Variants in PTPRT observed in about 807,000 individuals in gnomAD.
PTPRT encodes the protein receptor-type tyrosine-protein phosphatase T.
Under a neutral mutation model 176.8 loss-of-function variants are expected in PTPRT, and 56 were observed. The ratio of observed to expected loss-of-function variants is 0.32; its 90% CI spans 0.26 to 0.40. PTPRT has a LOEUF of 0.40. Among genes scored for constraint, PTPRT ranks in the 10% least tolerant of loss-of-function variants. PTPRT has a pLI of 1.00. For missense variants in PTPRT, 1,540 were observed against 1,908.2 expected, an observed-to-expected ratio of 0.81 and a Z score of 3.60; for synonymous variants, 783 against 739.0, an observed-to-expected ratio of 1.06 and a Z score of -0.96.
At chr20:42,816,055 A>C (rs1027103888) in intron 2 of PTPRT, among the ~76,000 whole-genome samples, 19 of 152,168 alleles carry the variant, frequency 1.2e-4, no homozygotes, top group African/African-American at 4.6e-4. Context: ...CACACACACA[A>C]AAGTCTTCTT....
chr20:42,115,918 T>A (rs1242729020), intron 21 of PTPRT: 1 of 634,556 alleles, frequency 1.6e-6, no homozygotes, highest in Non-Finnish European at 2.9e-6. Context: ...CAAGGGAAGA[T>A]GCGCAGTTCC....
At chr20:42,184,739 T>C (rs866818491) in intron 16 of PTPRT, among the ~76,000 whole-genome samples, 1 of 151,002 alleles carries the variant, frequency 6.6e-6, no homozygotes, top group Non-Finnish European at 1.5e-5. Flanking sequence ...GTGATTCTCC[T>C]GCCTCAGCCT....
intron 1 of PTPRT, among the ~76,000 whole-genome samples, chr20:42,967,698 T>C (rs933992905): frequency 2.6e-5 from 4 of 151,520 alleles, no homozygotes; most frequent in Admixed American, 1.3e-4. Context: ...AATACCTTTG[T>C]GGCATTTGTA....
intron 7 of PTPRT, among the ~76,000 whole-genome samples, chr20:42,528,441 A>G (rs1376496637): frequency 6.6e-6 from 1 of 151,982 alleles, no homozygotes; most frequent in Admixed American, 6.6e-5. Context: ...TTATCCATTC[A>G]TCTAATAAAT....
intron 7 of PTPRT, among the ~76,000 whole-genome samples, chr20:42,534,986 C>T (rs1351534185): frequency 2.0e-5 from 3 of 152,154 alleles, no homozygotes; most frequent in Non-Finnish European, 2.9e-5. Context: ...CCACTCGCCA[C>T]GGAAAGTGAG....
intron 16 of PTPRT, among the ~76,000 whole-genome samples, chr20:42,184,613 TTC>T (rs1990692091): frequency 7.6e-6 from 1 of 131,494 alleles, no homozygotes; most frequent in Admixed American, 7.8e-5. Context: ...CTTCTTCTTC[TTC>T]TCCTCCTTCT....
intron 1 of PTPRT, among the ~76,000 whole-genome samples, chr20:42,945,834 T>A (rs1980851146): frequency 6.6e-6 from 1 of 152,052 alleles, no homozygotes; most frequent in South Asian, 2.1e-4. Flanking sequence ...GACCCTTTCA[T>A]CACCGCCAGA....
intron 1 of PTPRT, among the ~76,000 whole-genome samples, chr20:43,076,628 T>C (rs1334190057): frequency 6.6e-6 from 1 of 152,132 alleles, no homozygotes; most frequent in Non-Finnish European, 1.5e-5. Context: ...GGCCACCTAC[T>C]AGTTGGAGCA....
rs1448417956 is a variant in PTPRT, at chr20:42,869,408, AAGGC to A, written c.214+16395_214+16398del. Among the ~76,000 whole-genome samples the A allele has an allele frequency of 2.0e-5, 3 of 152,144 alleles. No individual in the cohort carries two copies. The East Asian group carries it at 5.8e-4, about 29-fold the overall frequency. ...CCCACCCTTGCTGCACGGTGTCCAA[AAGGC>A]AGGACGTAGAGTCAAAGAAGATCAT... On this transcript the variant is annotated intron_variant, in intron 2 of 30. Transcript: ENST00000373187.
intron 7 of PTPRT, among the ~76,000 whole-genome samples, chr20:42,648,165 G>A (rs761009): frequency 0.15 from 22,895 of 152,046 alleles, 1,841 homozygotes; most frequent in South Asian, 0.18. Context: ...AATTTACTGG[G>A]TTATTGGCTG....
At chr20:42,967,472 C>T (rs182731198) in intron 1 of PTPRT, among the ~76,000 whole-genome samples, 4 of 152,158 alleles carry the variant, frequency 2.6e-5, no homozygotes, top group African/African-American at 7.2e-5. Context: ...CCACAAAGAA[C>T]GCTGACAGCC....
downstream of PTPRT, among the ~76,000 whole-genome samples, chr20:42,069,684 T>G (rs1257671841): frequency 3.9e-5 from 6 of 152,242 alleles, no homozygotes; most frequent in African/African-American, 1.4e-4. Context: ...CTGATGTTGT[T>G]TTTCATACAT....
chr20:42,623,409 G>A (rs2074234966), intron 7 of PTPRT, among the ~76,000 whole-genome samples: 1 of 152,202 alleles, frequency 6.6e-6, no homozygotes, highest in Non-Finnish European at 1.5e-5. Flanking sequence ...GCTGAACAGA[G>A]AGGCATACCC....
At chr20:43,083,697 T>A (rs1568774575) in intron 1 of PTPRT, among the ~76,000 whole-genome samples, 2 of 152,024 alleles carry the variant, frequency 1.3e-5, no homozygotes, top group Non-Finnish European at 2.9e-5. Context: ...TACGGAGTTG[T>A]ACAACAATCA....
chr20:42,817,961 A>G (rs1373461079), intron 2 of PTPRT, among the ~76,000 whole-genome samples: 1 of 152,200 alleles, frequency 6.6e-6, no homozygotes, highest in African/African-American at 2.4e-5. Context: ...TGAGGAATCC[A>G]GGCAGCCCAG....
At chr20:42,995,553 T>C (rs900670872) in intron 1 of PTPRT, among the ~76,000 whole-genome samples, 1 of 152,066 alleles carries the variant, frequency 6.6e-6, no homozygotes, top group Admixed American at 6.5e-5. Context: ...CATCCTGACA[T>C]TGTGAGCATG....
At chr20:42,812,742 C>T (rs1466897072) in intron 2 of PTPRT, among the ~76,000 whole-genome samples, 2 of 151,972 alleles carry the variant, frequency 1.3e-5, no homozygotes, top group African/African-American at 4.8e-5. Context: ...TCTTAATTTC[C>T]TCATCTATAA....
intron 9 of PTPRT, among the ~76,000 whole-genome samples, chr20:42,417,759 T>A (rs535661184): frequency 2.6e-5 from 4 of 151,014 alleles, no homozygotes; most frequent in African/African-American, 9.8e-5. Flanking sequence ...TTTTTTAGAG[T>A]CAAAGTCTCA....
intron 1 of PTPRT, among the ~76,000 whole-genome samples, chr20:42,965,266 C>A (rs2146048297): frequency 6.6e-6 from 1 of 152,266 alleles, no homozygotes; most frequent in African/African-American, 2.4e-5. Flanking sequence ...ATAGTATTTG[C>A]TGCTCTCTGT....
Sources: allele counts gnomAD v4.1 joint callset (sites outside exome capture counted in the v4.1 genomes callset), GRCh38; gene constraint gnomAD v4.1.1; transcripts MANE v1.5; gene names NCBI Gene and HGNC (gene_info 2026-07-23, HGNC 2026-07-21).